Variants in VIP observed in about 807,000 individuals in gnomAD.
The protein encoded by VIP is VIP peptides.
VIP carries 18 observed loss-of-function variants against 20.1 expected under a neutral mutation model. That is an observed-to-expected ratio of 0.90 (90% confidence interval 0.62 to 1.33). VIP has a LOEUF of 1.33. VIP is among the 40% of genes most tolerant of loss of function. The probability of loss-of-function intolerance (pLI) is 0.00; values close to 1 mark genes in which losing one functional copy is unlikely to be tolerated. For synonymous variants in VIP, 70 were observed against 68.1 expected, an observed-to-expected ratio of 1.03 and a Z score of -0.14; for missense variants, 209 against 199.4, an observed-to-expected ratio of 1.05 and a Z score of -0.29.
rs2129073932 is a variant in VIP at position 152,750,837 on chromosome 6, C to T, written c.-133C>T. 1 of 152,314 alleles carries T rather than the reference C, an allele frequency of 6.6e-6. No homozygotes were observed. Among genetic ancestry groups the T allele is most frequent in the Middle Eastern group, 3.4e-3 (1 of 294 alleles). 9.4% of individuals were successfully genotyped at this position (152,314 alleles called of 1,614,324 possible). A position where few individuals can be genotyped will look rare whatever the true frequency, so the allele number is the denominator to read the frequency against. ...GCACCAGCAGGCAGTAACAGCCAAC[C>T]CTTAGCCATTGCTAAGGGCAGAGAA... On this transcript the variant is annotated 5_prime_UTR_variant, in exon 1 of 7. Coordinates refer to ENST00000367244, the MANE Select transcript of VIP (RefSeq NM_003381.4).
At position 152,752,244 on chromosome 6, in the gene VIP, A is replaced by T; in HGVS notation, c.67A>T (p.Thr23Ser). 4 of 1,613,526 alleles carry T rather than the reference A, an allele frequency of 2.5e-6. No homozygotes were observed. Among genetic ancestry groups the T allele is most frequent in the South Asian group, 1.1e-5 (1 of 91,054 alleles). Reference sequence around the variant, plus strand: ...TCTTCTCAGTGTGCTCTTCTCACAGACTTCGGCATGGCCTCTTTACAGGGC... The same window carrying T: ...TCTTCTCAGTGTGCTCTTCTCACAGTCTTCGGCATGGCCTCTTTACAGGGC... ...LTLLSVLFSQ[T>S]SAWPLYRAPS... is the part of the protein sequence containing the mutation. Residue 23 changes from threonine to serine, a missense_variant, in exon 2 of 7, where the codon ACT becomes TCT. Transcript: ENST00000367244.
At position 152,756,195 on chromosome 6, in the gene VIP, A is replaced by C; in HGVS notation, c.397A>C (p.Asn133His). Residue 133 changes from asparagine (N) to histidine (H), a missense_variant, in exon 5 of 7, where the codon AAC becomes CAC. Transcript: ENST00000367244. ...KRHSDAVFTDNYTRLRKQMAV... is the reference protein window; with the variant it reads ...KRHSDAVFTDHYTRLRKQMAV... ...TCACTCAGATGCAGTCTTCACTGAC[A>C]ACTATACCCGCCTTAGAAAACAAAT... The C allele has an allele frequency of 6.2e-7, 1 of 1,612,048 alleles. No individual in the cohort carries two copies. The highest frequency in any genetic ancestry group is 8.5e-7 in the Non-Finnish European group (1 of 1,178,612).
rs1229482588 is a variant in VIP, at chr6:152,759,007, T to C, written c.*141T>C. ...TCAATATCCAAACCAAATAAAAATA[T>C]TGTGTTGTGAATGTTGTGATGTATT... On this transcript the variant is annotated 3_prime_UTR_variant, in exon 7 of 7. Coordinates refer to ENST00000367244, the MANE Select transcript of VIP (RefSeq NM_003381.4). 6.6e-6 allele frequency: 1 copy of C among 152,394 alleles called. No homozygotes were observed. The highest frequency in any genetic ancestry group is 6.6e-5 in the Admixed American group (1 of 15,218). 9.4% of individuals were successfully genotyped at this position (152,394 alleles called of 1,614,324 possible).
chr6:152,752,319 C>G, intron 2 of VIP, 35 bp downstream of exon 2: 1 of 1,521,558 alleles, frequency 6.6e-7, no homozygotes, highest in Non-Finnish European at 9.1e-7. Context: ...TCTGAACATT[C>G]CTTCCTCATC....
chr6:152,754,085 C>A, intron 2 of VIP, 81 bp from the exon 3 acceptor site: 3 of 1,456,864 alleles, frequency 2.1e-6, no homozygotes, highest in Non-Finnish European at 2.8e-6. Context: ...GTCTAAGTAT[C>A]TTATTTTAAA....
Position 152,757,098 on chromosome 6 carries a change from G to C in VIP, c.470G>C (p.Ser157Thr). The C allele has an allele frequency of 6.2e-7, 1 of 1,611,878 alleles. No homozygotes were observed. The highest frequency in any genetic ancestry group is 8.5e-7 in the Non-Finnish European group (1 of 1,178,664). The change falls in exon 6 of 7, where the codon AGT becomes ACT. Residue 157 changes from serine (S) to threonine (T), a missense_variant and splice_region_variant. Transcript: ENST00000367244. ...LNSILNGKRS[S>T]EGESPDFPEE... ...TACAATGTTTTTCTGGTCTGCAGCA[G>C]TGAGGGAGAATCTCCCGACTTTCCA...
rs1197581255 is a variant in VIP, at chr6:152,757,166, T to A, written c.*25T>A. ...ATGAAAAAGACCTTTGGAGCAAAGC[T>A]GATGACAACTTCCCAGTGGTGGGTA... On this transcript the variant is annotated 3_prime_UTR_variant, in exon 6 of 7. Coordinates refer to ENST00000367244, the MANE Select transcript of VIP (RefSeq NM_003381.4). 1.2e-6 allele frequency: 2 copies of A among 1,609,472 alleles called. No homozygotes were observed. The highest frequency in any genetic ancestry group is 2.2e-5 in the South Asian group (2 of 90,672).
At chr6:152,755,706 T>G (rs1359151990) in intron 4 of VIP, among the ~76,000 whole-genome samples, 1 of 151,898 alleles carries the variant, frequency 6.6e-6, no homozygotes, top group East Asian at 1.9e-4. Context: ...AAACAGAATA[T>G]TCTTTTTACT....
At chr6:152,752,776 A>G (rs2099729842) in intron 2 of VIP, among the ~76,000 whole-genome samples, 1 of 152,122 alleles carries the variant, frequency 6.6e-6, no homozygotes, top group South Asian at 2.1e-4. Flanking sequence ...ATTTGCCAAT[A>G]TTAAATATGG....
intron 6 of VIP, among the ~76,000 whole-genome samples, chr6:152,757,659 T>C (rs1297339346): frequency 6.6e-6 from 1 of 151,998 alleles, no homozygotes; most frequent in African/African-American, 2.4e-5. Flanking sequence ...CAAGGCATTC[T>C]GGGTCTAACT....
Position 152,752,264 on chromosome 6 carries a change from C to G in VIP, c.87C>G (p.Tyr29Ter). 1 of 1,613,220 alleles carries G rather than the reference C, an allele frequency of 6.2e-7. No homozygotes were observed. Among genetic ancestry groups the G allele is most frequent in the Non-Finnish European group, 8.5e-7 (1 of 1,179,596 alleles). The change falls in exon 2 of 7, where the codon TAC becomes TAG. Residue 29 changes from tyrosine to a stop codon, truncating the protein, a stop_gained. Transcript: ENST00000367244. LOFTEE classifies it high-confidence loss of function. ...CACAGACTTCGGCATGGCCTCTTTACAGGGCACCTTCTGCTCTCAGGTAAG... is the reference window on the plus strand; with the variant it reads ...CACAGACTTCGGCATGGCCTCTTTAGAGGGCACCTTCTGCTCTCAGGTAAG... ...LFSQTSAWPL[Y>*]RAPSALRLGD...
chr6:152,757,227 T>C, intron 6 of VIP, 43 bp downstream of exon 6: 1 of 1,324,522 alleles, frequency 7.5e-7, no homozygotes, highest in South Asian at 1.3e-5. Flanking sequence ...TATGGCTGTC[T>C]CTGATTATAT....
In VIP at chr6:152,756,169, G is replaced by A. The variant is rs773490013; in HGVS notation, c.371G>A (p.Arg124His). ...NISEDPVPVK[R>H]HSDAVFTDNY... is the part of the protein sequence containing the mutation. ...TCAGAAGACCCTGTACCAGTCAAAC[G>A]TCACTCAGATGCAGTCTTCACTGAC... is the stretch of plus-strand genomic sequence containing the variant. The change falls in exon 5 of 7, where the codon CGT (arginine) becomes CAT (histidine). Residue 124 changes from arginine (R) to histidine (H), a missense_variant. By Grantham distance (29) the Arg-to-His change is conservative. Coordinates refer to ENST00000367244, the MANE Select transcript of VIP (RefSeq NM_003381.4). 2.4e-5 allele frequency: 39 copies of A among 1,610,700 alleles called. No individual in the cohort carries two copies. The highest frequency in any genetic ancestry group is 4.4e-5 in the South Asian group (4 of 90,622).
intron 2 of VIP, among the ~76,000 whole-genome samples, chr6:152,753,128 A>G (rs993140375): frequency 1.3e-5 from 2 of 152,094 alleles, no homozygotes; most frequent in Non-Finnish European, 2.9e-5. Context: ...CCTCTTAGCT[A>G]TTAGTGTTCT....
rs567150146 is a variant in VIP, at chr6:152,753,381, C to G, written c.108-785C>G. Among the ~76,000 whole-genome samples, 16 of 152,224 alleles carry G rather than the reference C, an allele frequency of 1.1e-4. No homozygotes were observed. In the South Asian group the frequency reaches 3.3e-3, roughly 32 times the overall value. On this transcript the variant is annotated intron_variant, in intron 2 of 6. Coordinates refer to ENST00000367244, the MANE Select transcript of VIP (RefSeq NM_003381.4). ...GGATGTTTGCCCTAACAGTGAAAAT[C>G]TGCACACACAAAATTATAAGAGTTG...
Position 152,756,222 on chromosome 6 carries a change from G to A in VIP, c.424G>A (p.Ala142Thr). 6.2e-7 allele frequency: 1 copy of A among 1,611,408 alleles called. No individual in the cohort carries two copies. Among genetic ancestry groups the A allele is most frequent in the South Asian group, 1.1e-5 (1 of 90,848 alleles). ...CTATACCCGCCTTAGAAAACAAATG[G>A]CTGTAAAGAAATATTTGAACTCAAT... ...DNYTRLRKQM[A>T]VKKYLNSILN... Residue 142 changes from alanine (A) to threonine (T), a missense_variant, in exon 5 of 7, where the codon GCT (alanine) becomes ACT (threonine). Coordinates refer to ENST00000367244, the MANE Select transcript of VIP (RefSeq NM_003381.4).
At chr6:152,757,437 G>A (rs1011804241) in intron 6 of VIP, among the ~76,000 whole-genome samples, 5 of 151,802 alleles carry the variant, frequency 3.3e-5, no homozygotes, top group Admixed American at 2.0e-4. Flanking sequence ...TAGTGTTCCT[G>A]GCTTACTTGG....
At position 152,751,920 on chromosome 6, in the gene VIP, A is replaced by G. The variant is rs139946903; in HGVS notation, c.-10-248A>G. On this transcript the variant is annotated intron_variant, in intron 1 of 6. Transcript: ENST00000367244. ...CAGCACTATAGAAGTATGGCATTCA[A>G]TAGATACTGGGGCCAACCATGTGCC... 1.4e-3 allele frequency among the ~76,000 whole-genome samples: 218 copies of G among 152,284 alleles called. 1 individual carries two copies. Among genetic ancestry groups the G allele is most frequent in the African/African-American group, 5.0e-3 (207 of 41,566 alleles).
At chr6:152,757,059 A>T in intron 5 of VIP, 37 bp from the exon 6 acceptor site, 1 of 1,604,750 alleles carries the variant, frequency 6.2e-7, no homozygotes, top group African/African-American at 1.3e-5. Context: ...TTCTCATCTG[A>T]GAGCCTTAAT....
Sources: allele counts gnomAD v4.1 joint callset (sites outside exome capture counted in the v4.1 genomes callset), GRCh38; gene constraint gnomAD v4.1.1; transcripts MANE v1.5; gene names NCBI Gene and HGNC (gene_info 2026-07-23, HGNC 2026-07-21).